Variants in B3GAT3 observed in about 807,000 individuals in gnomAD.
B3GAT3 encodes galactosylgalactosylxylosylprotein 3-beta-glucuronosyltransferase 3.
A neutral mutation model predicts 33.1 loss-of-function variants in B3GAT3; 19 were observed. The observed-to-expected ratio is 0.57, with a 90% confidence interval of 0.40 to 0.84. The LOEUF is 0.84. Ranked by LOEUF, B3GAT3 falls within the 40% of genes least tolerant of loss-of-function variation. The pLI, the probability that B3GAT3 is intolerant of heterozygous loss-of-function variation, is 0.00. For missense variants in B3GAT3, 344 were observed against 441.5 expected (o/e 0.78, Z 1.98); for synonymous variants, 167 against 193.5 (o/e 0.86, Z 1.14).
chr11:62,621,804 G>T, intron 1 of B3GAT3, 62 bp downstream of exon 1: 1 of 1,491,848 alleles, frequency 6.7e-7, no homozygotes, highest in East Asian at 2.4e-5. Flanking sequence ...TCCCCAGGGC[G>T]GGATGCACGG....
intron 4 of B3GAT3, chr11:62,616,288 C>T (rs977781090): frequency 3.0e-6 from 2 of 674,200 alleles, no homozygotes; most frequent in African/African-American, 3.6e-5. Context: ...CCTTCATCCT[C>T]TCTGTGCCAC....
Position 62,617,037 on chromosome 11 carries a change from C to G in B3GAT3, c.568G>C (p.Val190Leu). Residue 190 changes from valine (V) to leucine (L), a missense_variant, in exon 3 of 5, where the codon GTC becomes CTC. Transcript: ENST00000265471. Reference protein sequence around the residue: ...DPPPPGTQGVVYFADDDNTYS... With the variant: ...DPPPPGTQGVLYFADDDNTYS... ...GTGTTGTCATCGTCAGCAAAGTAGACGACTCCTTGGGTCCCTGGTGGTGGT... is the reference window on the plus strand; with the variant it reads ...GTGTTGTCATCGTCAGCAAAGTAGAGGACTCCTTGGGTCCCTGGTGGTGGT... The G allele has an allele frequency of 6.2e-7, 1 of 1,614,198 alleles. No individual in the cohort carries two copies. Among genetic ancestry groups the G allele is most frequent in the Non-Finnish European group, 8.5e-7 (1 of 1,180,036 alleles).
chr11:62,620,579 G>A lies in B3GAT3; in HGVS notation c.175C>T (p.Arg59Ter), dbSNP rs535206047. ...TGGGCAGGGGCAGGGGGTGGCCGTC[G>A]GAGTTCCGCTTGCAGCTGGGAAATC... ...LRISQLQAEL[R>*]RPPPAPAQPP... The change falls in exon 2 of 5, where the codon CGA becomes TGA. Residue 59 changes from arginine (R) to a stop codon, truncating the protein, a stop_gained. Transcript: ENST00000265471. LOFTEE classifies it high-confidence loss of function. 1.2e-5 allele frequency: 20 copies of A among 1,612,496 alleles called. No individual in the cohort carries two copies. The highest frequency in any genetic ancestry group is 1.0e-4 in the Admixed American group (6 of 59,782).
intron 4 of B3GAT3, chr11:62,616,243 G>GA (rs35002433): frequency 0.017 from 8,607 of 492,222 alleles, no homozygotes; most frequent in Non-Finnish European, 0.023. Context: ...GACTCTGTCT[G>GA]AAAAAAAAAA....
At chr11:62,618,203 A>AC (rs1943073155) in intron 2 of B3GAT3, among the ~76,000 whole-genome samples, 1 of 150,960 alleles carries the variant, frequency 6.6e-6, no homozygotes, top group Admixed American at 6.6e-5. Context: ...AAAAAAAAAA[A>AC]ACAAATTAAG....
chr11:62,621,040 C>G (rs1565078904), intron 1 of B3GAT3: 2 of 489,894 alleles, frequency 4.1e-6, no homozygotes, highest in Admixed American at 4.6e-5. Flanking sequence ...CCCTTTTGGA[C>G]AGTCTTTCAA....
chr11:62,616,839 G>A, intron 3 of B3GAT3, 43 bp from the exon 4 acceptor site: 3 of 1,613,076 alleles, frequency 1.9e-6, no homozygotes, highest in East Asian at 2.2e-5. Flanking sequence ...GTGGTCCGGG[G>A]AAGGGAGCAG....
chr11:62,617,061 G>A lies in B3GAT3; in HGVS notation c.544C>T (p.Pro182Ser), dbSNP rs1943046127. ...GGAVGGEKDP[P>S]PPGTQGVVYF... ...ACGACTCCTTGGGTCCCTGGTGGTG[G>A]TGGGTCCTTCTCCCCACCCACAGCA... The change falls in exon 3 of 5, where the codon CCA becomes TCA. Residue 182 changes from proline (P) to serine (S), a missense_variant. Pro to Ser is a moderately conservative substitution (Grantham distance 74). Coordinates refer to ENST00000265471, the MANE Select transcript of B3GAT3 (RefSeq NM_012200.4). The A allele has an allele frequency of 1.7e-5, 28 of 1,614,184 alleles. No homozygotes were observed. The highest frequency in any genetic ancestry group is 2.4e-5 in the Non-Finnish European group (28 of 1,180,026).
Position 62,617,140 on chromosome 11 carries a change from G to A in B3GAT3, c.465C>T (p.Pro155=). Reference sequence around the variant, plus strand: ...CCTTGTTCCGCTGCTCGACACCACGGGGATGAACCCAGCCAGGCTCGCCCT... The same window carrying A: ...CCTTGTTCCGCTGCTCGACACCACGAGGATGAACCCAGCCAGGCTCGCCCT... ...LREGEPGWVH[P]RGVEQRNKAL... The change falls in exon 3 of 5, where the codon CCC becomes CCT. Residue 155 remains proline (P), a synonymous_variant. Coordinates refer to ENST00000265471, the MANE Select transcript of B3GAT3 (RefSeq NM_012200.4). 1 of 1,614,034 alleles carries A rather than the reference G, an allele frequency of 6.2e-7. No homozygotes were observed. The highest frequency in any genetic ancestry group is 8.5e-7 in the Non-Finnish European group (1 of 1,180,006).
Position 62,616,487 on chromosome 11 carries a change from C to T in B3GAT3, c.909+19G>A. The T allele has an allele frequency of 2.5e-6, 4 of 1,614,016 alleles. No homozygotes were observed. ...TCCATCCAAGAGCCAGGTTTCTATG[C>T]CCATCTCCATTCCCTTACCCGAGTG... On this transcript the variant is annotated intron_variant, in intron 4 of 4. Coordinates refer to ENST00000265471, the MANE Select transcript of B3GAT3 (RefSeq NM_012200.4).
chr11:62,616,750 C>T lies in B3GAT3; in HGVS notation c.665G>A (p.Gly222Asp). The change falls in exon 4 of 5, where the codon GGC (glycine) becomes GAC (aspartate). Residue 222 changes from glycine to aspartate, a missense_variant. Gly to Asp is a moderately conservative substitution (Grantham distance 94). Coordinates refer to ENST00000265471, the MANE Select transcript of B3GAT3 (RefSeq NM_012200.4). ...CTGAGGGCCCTCGAATCGCAGGCCG[C>T]CCACCAGCCCCACAGGCCACACTGA... ...GVSVWPVGLV[G>D]GLRFEGPQVQ... 6.2e-7 allele frequency: 1 copy of T among 1,613,980 alleles called. No individual in the cohort carries two copies. Among genetic ancestry groups the T allele is most frequent in the Non-Finnish European group, 8.5e-7 (1 of 1,179,976 alleles).
At chr11:62,618,919 G>T (rs1042809930) in intron 2 of B3GAT3, among the ~76,000 whole-genome samples, 7 of 151,742 alleles carry the variant, frequency 4.6e-5, no homozygotes, top group African/African-American at 1.2e-4. Context: ...GGAGGTGGAG[G>T]TTGCAGTGAG....
intron 1 of B3GAT3, 139 bp from the exon 2 acceptor site, chr11:62,620,810 T>A (rs1943131483): frequency 1.3e-6 from 1 of 761,838 alleles, no homozygotes; most frequent in African/African-American, 1.7e-5. Flanking sequence ...AGTAGCCTTT[T>A]CTATACCTCT....
intron 2 of B3GAT3, among the ~76,000 whole-genome samples, chr11:62,618,192 A>AG (rs57222236): frequency 1.3e-5 from 2 of 150,408 alleles, no homozygotes; most frequent in Admixed American, 1.3e-4. Context: ...AAAAAAAAAA[A>AG]AAAAAAAAAA....
At position 62,615,780 on chromosome 11, in the gene B3GAT3, C is replaced by T. The variant is rs779076359; in HGVS notation, c.929G>A (p.Arg310Gln). The change falls in exon 5 of 5, where the codon CGG (arginine) becomes CAG (glutamine). Residue 310 changes from arginine (R) to glutamine (Q), a missense_variant. Transcript: ENST00000265471. ...NCTRVLVWHT[R>Q]TEKPKMKQEE... ...CTGCTTCATCTTGGGCTTCTCTGTCCGAGTATGCCACACCAGTACCTGTGC... is the reference window on the plus strand; with the variant it reads ...CTGCTTCATCTTGGGCTTCTCTGTCTGAGTATGCCACACCAGTACCTGTGC... 45 of 1,613,794 alleles carry T rather than the reference C, an allele frequency of 2.8e-5. No individual in the cohort carries two copies. Among genetic ancestry groups the T allele is most frequent in the Admixed American group, 3.3e-5 (2 of 60,008 alleles).
Position 62,621,893 on chromosome 11 carries a change from C to T in B3GAT3, c.55G>A (p.Gly19Ser), listed in dbSNP as rs1257114796. The T allele has an allele frequency of 6.2e-7, 1 of 1,612,908 alleles. No individual in the cohort carries two copies. Among genetic ancestry groups the T allele is most frequent in the Non-Finnish European group, 8.5e-7 (1 of 1,179,356 alleles). ...AGCTGTACCAGCGCGTAGAGGAGGC[C>T]GGCGATCGACACCAGGAAGTAGGCG... Reference protein sequence around the residue: ...FLAYFLVSIAGLLYALVQLGQ... With the variant: ...FLAYFLVSIASLLYALVQLGQ... The change falls in exon 1 of 5, where the codon GGC becomes AGC. Residue 19 changes from glycine to serine, a missense_variant. Coordinates refer to ENST00000265471, the MANE Select transcript of B3GAT3 (RefSeq NM_012200.4).
chr11:62,616,365 C>T, intron 4 of B3GAT3, 141 bp downstream of exon 4: 1 of 1,275,742 alleles, frequency 7.8e-7, no homozygotes, highest in African/African-American at 1.5e-5. Flanking sequence ...CCAGCTTCCC[C>T]TTCAGTAGAG....
Position 62,615,808 on chromosome 11 carries a change from G to A in B3GAT3, c.910-9C>T, listed in dbSNP as rs1042651254. ...GTATGCCACACCAGTACCTGTGCCA[G>A]GAGGGATGCAGTGAGAGCCAGGCCC... On this transcript the variant is annotated splice_polypyrimidine_tract_variant and intron_variant, in intron 4 of 4. Transcript: ENST00000265471. The A allele has an allele frequency of 4.3e-6, 7 of 1,613,396 alleles. No homozygotes were observed. The highest frequency in any genetic ancestry group is 2.7e-5 in the African/African-American group (2 of 75,066).
At chr11:62,616,891 C>T (rs1943040612) in intron 3 of B3GAT3, 95 bp from the exon 4 acceptor site, 1 of 1,612,288 alleles carries the variant, frequency 6.2e-7, no homozygotes, top group East Asian at 2.2e-5. Context: ...CTGCTTCCAG[C>T]CCCTCACCCA....
Sources: gnomAD v4.1 joint callset for allele counts (sites outside exome capture counted in the v4.1 genomes callset) on GRCh38, gnomAD v4.1.1 for gene constraint, MANE v1.5 for transcripts, NCBI Gene and HGNC (gene_info 2026-07-23, HGNC 2026-07-21) for gene names.